Variants in TECTA observed in about 807,000 individuals in gnomAD.
TECTA encodes alpha-tectorin.
TECTA carries 128 observed loss-of-function variants against 216.8 expected under a neutral mutation model. The observed-to-expected ratio is 0.59, with a 90% CI of 0.51 to 0.68. The LOEUF is 0.68. Ranked by LOEUF, TECTA falls within the 30% of genes least tolerant of loss-of-function variation. TECTA has a pLI of 0.00. For missense variants in TECTA, 2,551 were observed against 2,786.2 expected (o/e 0.92, Z 1.90); for synonymous variants, 1,089 against 1,117.1 (o/e 0.97, Z 0.50).
At chr11:121,106,086 C>G in intron 3 of TECTA, 122 bp downstream of exon 3, 1 of 1,475,352 alleles carries the variant, frequency 6.8e-7, no homozygotes, top group Non-Finnish European at 9.4e-7. Context: ...GCAGCCAAAA[C>G]GACAAGTTCT....
rs117327852 is a variant in TECTA, at chr11:121,179,462, A to C, written c.6000-8370A>C. On this transcript the variant is annotated intron_variant, in intron 20 of 23. Coordinates refer to ENST00000392793, the MANE Select transcript of TECTA (RefSeq NM_005422.4). ...TGGTTTTTGGCCTAACATACGGTCTATCTTGGAAAATATTCTGTGTACTAA... is the reference window on the plus strand; with the variant it reads ...TGGTTTTTGGCCTAACATACGGTCTCTCTTGGAAAATATTCTGTGTACTAA... Among the ~76,000 whole-genome samples, 50 of 152,278 alleles carry C rather than the reference A, an allele frequency of 3.3e-4. No individual in the cohort carries two copies. The East Asian group carries it at 8.3e-3, about 25-fold the overall frequency.
rs1014709215 is a variant in TECTA at position 121,106,086 on chromosome 11, C to T, written c.198+122C>T. 2.2e-5 allele frequency: 32 copies of T among 1,475,232 alleles called. 1 individual carries two copies. The highest frequency in any genetic ancestry group is 6.8e-5 in the Admixed American group (4 of 59,212). The allele number at this position is 1,475,232 out of a possible 1,614,324, so 91.4% of individuals were successfully genotyped here. A position where few individuals can be genotyped will look rare whatever the true frequency, so the allele number is the denominator to read the frequency against. ...AGGGAGGATTTATTGGCAGCCAAAA[C>T]GACAAGTTCTGAGATTTCATGAGCT... On this transcript the variant is annotated intron_variant, in intron 3 of 23. Transcript: ENST00000392793.
At chr11:121,166,825 G>C (rs767608734) in intron 18 of TECTA, 45 bp downstream of exon 18, 1 of 1,605,272 alleles carries the variant, frequency 6.2e-7, no homozygotes, top group Non-Finnish European at 8.5e-7. Flanking sequence ...GGCAGCGACA[G>C]CTTCGAGTGT....
chr11:121,172,225 A>G (rs1226901879), intron 20 of TECTA, among the ~76,000 whole-genome samples: 1 of 151,954 alleles, frequency 6.6e-6, no homozygotes, highest in Non-Finnish European at 1.5e-5. Context: ...TTTAGGGTAC[A>G]TGTGCACAAT....
chr11:121,121,650 G>T (rs1946559542), intron 7 of TECTA, among the ~76,000 whole-genome samples: 1 of 152,200 alleles, frequency 6.6e-6, no homozygotes, highest in Non-Finnish European at 1.5e-5. Flanking sequence ...AGGTCAGCCT[G>T]AGTGCGACAA....
At chr11:121,152,782 G>A (rs779058886) in intron 12 of TECTA, 99 bp from the exon 13 acceptor site, 6 of 1,286,912 alleles carry the variant, frequency 4.7e-6, no homozygotes, top group South Asian at 2.8e-5. Flanking sequence ...GCCTCTCCCC[G>A]TGCCTTTCAT....
intron 7 of TECTA, among the ~76,000 whole-genome samples, chr11:121,123,396 G>A (rs1435955413): frequency 1.3e-5 from 2 of 152,164 alleles, no homozygotes; most frequent in African/African-American, 4.8e-5. Flanking sequence ...ACGTCCAGCT[G>A]TGTGTGTTCT....
intron 11 of TECTA, 131 bp from the exon 12 acceptor site, chr11:121,145,424 C>A: frequency 1.1e-6 from 1 of 872,210 alleles, no homozygotes; most frequent in Non-Finnish European, 1.9e-6. Context: ...AACAACAGTA[C>A]ATGCAAAGAC....
chr11:121,143,190 A>G (rs1946800712), intron 11 of TECTA, among the ~76,000 whole-genome samples: 1 of 152,192 alleles, frequency 6.6e-6, no homozygotes, highest in Non-Finnish European at 1.5e-5. Context: ...CCTCTTTGCC[A>G]TGTGTGTATG....
In TECTA at chr11:121,168,041, C is replaced by G; in HGVS notation, c.5587-13C>G. ...CCAGATGTAACGATTTCTGACTTCC[C>G]CTTGTTCTGCAGTCCAATGGCACGC... is the stretch of plus-strand genomic sequence containing the variant. On this transcript the variant is annotated splice_polypyrimidine_tract_variant and intron_variant, in intron 18 of 23. Coordinates refer to ENST00000392793, the MANE Select transcript of TECTA (RefSeq NM_005422.4). 1 of 1,614,114 alleles carries G rather than the reference C, an allele frequency of 6.2e-7. No homozygotes were observed. Among genetic ancestry groups the G allele is most frequent in the Non-Finnish European group, 8.5e-7 (1 of 1,179,980 alleles).
chr11:121,141,973 C>T (rs1946788926), intron 11 of TECTA, among the ~76,000 whole-genome samples: 1 of 152,076 alleles, frequency 6.6e-6, no homozygotes, highest in Non-Finnish European at 1.5e-5. Flanking sequence ...GCCAGGAGAA[C>T]CTTAGGGAGA....
At chr11:121,109,069 G>C (rs1035948238) in intron 3 of TECTA, 142 bp from the exon 4 acceptor site, 1 of 873,660 alleles carries the variant, frequency 1.1e-6, no homozygotes, top group African/African-American at 1.7e-5. Context: ...CTGAGCAATG[G>C]AACCCGGTGT....
intron 20 of TECTA, among the ~76,000 whole-genome samples, chr11:121,182,964 G>T (rs990437008): frequency 5.3e-5 from 8 of 152,186 alleles, no homozygotes; most frequent in Admixed American, 5.2e-4. Context: ...CTGCTGCTGG[G>T]GAAGTGGCAG....
At chr11:121,117,574 T>A (rs1194342071) in intron 6 of TECTA, among the ~76,000 whole-genome samples, 1 of 152,226 alleles carries the variant, frequency 6.6e-6, no homozygotes, top group South Asian at 2.1e-4. Flanking sequence ...CCCTCCCCTT[T>A]CCTCATTCTC....
At chr11:121,178,500 G>C (rs1208042844) in intron 20 of TECTA, among the ~76,000 whole-genome samples, 4 of 145,576 alleles carry the variant, frequency 2.7e-5, no homozygotes, top group African/African-American at 7.7e-5. Flanking sequence ...TCTATGTTTA[G>C]ATATTGGCTT....
At chr11:121,176,414 C>T (rs1213788223) in intron 20 of TECTA, among the ~76,000 whole-genome samples, 9 of 143,250 alleles carry the variant, frequency 6.3e-5, no homozygotes, top group African/African-American at 2.5e-4. Flanking sequence ...ATTTGCTTGT[C>T]TGTAAAGTAT....
At chr11:121,161,674 T>C (rs1004543667) in intron 15 of TECTA, among the ~76,000 whole-genome samples, 3 of 149,560 alleles carry the variant, frequency 2.0e-5, no homozygotes, top group Non-Finnish European at 4.4e-5. Context: ...GAAACCTTCC[T>C]TTCAAATCTT....
chr11:121,128,358 C>G lies in TECTA; in HGVS notation c.2367+14C>G. ...TCGGAAGTCAAGGTAAGGCTCCTTGCTCCTTTGGAGGGGTTCCTGGTACGT... is the reference window on the plus strand; with the variant it reads ...TCGGAAGTCAAGGTAAGGCTCCTTGGTCCTTTGGAGGGGTTCCTGGTACGT... On this transcript the variant is annotated intron_variant, in intron 9 of 23. Transcript: ENST00000392793. The G allele has an allele frequency of 6.3e-7, 1 of 1,598,564 alleles. No homozygotes were observed. The highest frequency in any genetic ancestry group is 8.5e-7 in the Non-Finnish European group (1 of 1,179,442).
rs1244731711 is a variant in TECTA at position 121,128,236 on chromosome 11, C to T, written c.2259C>T (p.Asp753=). 2 of 1,601,130 alleles carry T rather than the reference C, an allele frequency of 1.2e-6. No homozygotes were observed. The highest frequency in any genetic ancestry group is 8.5e-7 in the Non-Finnish European group (1 of 1,179,984). ...CPERPEYLEI[D]INKKKPDAGP... is the part of the protein sequence containing the mutation. ...AGCGCCCAGAGTACTTGGAAATCGA[C>T]ATCAACAAGAAGAAGCCCGATGCAG... Residue 753 remains aspartate, a synonymous_variant, in exon 9 of 24, where the codon GAC becomes GAT. Coordinates refer to ENST00000392793, the MANE Select transcript of TECTA (RefSeq NM_005422.4).
Sources: gnomAD v4.1 joint callset for allele counts (sites outside exome capture counted in the v4.1 genomes callset) on GRCh38, gnomAD v4.1.1 for gene constraint, MANE v1.5 for transcripts, NCBI Gene and HGNC (gene_info 2026-07-23, HGNC 2026-07-21) for gene names.